PLCL1: variants seen among roughly 807,000 people sequenced by gnomAD.
PLCL1 encodes the protein inactive phospholipase C-like protein 1.
PLCL1 carries 41 observed loss-of-function variants against 84.4 expected under a neutral mutation model. The observed-to-expected ratio is 0.49, with a 90% confidence interval of 0.38 to 0.63. PLCL1 has a LOEUF of 0.63. Among genes scored for constraint, PLCL1 ranks in the 30% least tolerant of loss-of-function variants. The pLI, the probability that PLCL1 is intolerant of heterozygous loss-of-function variation, is 0.00. For synonymous variants in PLCL1, 490 were observed against 488.3 expected, an observed-to-expected ratio of 1.00 and a Z score of -0.05; for missense variants, 1,206 against 1,367.8, an observed-to-expected ratio of 0.88 and a Z score of 1.87.
rs2105953646 is a variant in PLCL1 at position 198,149,096 on chromosome 2, T to C, written c.*2134T>C. 6.6e-6 allele frequency: 1 copy of C among 152,490 alleles called. No homozygotes were observed. Among genetic ancestry groups the C allele is most frequent in the Admixed American group, 6.5e-5 (1 of 15,286 alleles). 9.4% of individuals were successfully genotyped at this position (152,490 alleles called of 1,614,324 possible). On this transcript the variant is annotated 3_prime_UTR_variant, in exon 6 of 6. Coordinates refer to ENST00000428675, the MANE Select transcript of PLCL1 (RefSeq NM_006226.4). ...TGAGATGTGGAGCAGGGAGGAGCTT[T>C]GGATTCTGGGAGTGGAGGTGGCAAG...
At chr2:197,984,911 A>G (rs2105807920) in intron 1 of PLCL1, among the ~76,000 whole-genome samples, 1 of 152,102 alleles carries the variant, frequency 6.6e-6, no homozygotes. Flanking sequence ...TCAGCTAAAA[A>G]TTTTAAAAAT....
intron 1 of PLCL1, among the ~76,000 whole-genome samples, chr2:197,880,999 G>C (rs542527774): frequency 6.7e-4 from 102 of 152,250 alleles, no homozygotes; most frequent in Non-Finnish European, 1.3e-3. Context: ...TGTGAATTTA[G>C]AGCTGTAGGG....
intron 1 of PLCL1, 45 bp from the exon 2 acceptor site, chr2:198,083,713 G>C: frequency 7.4e-7 from 1 of 1,348,272 alleles, no homozygotes; most frequent in Non-Finnish European, 1.0e-6. Flanking sequence ...GAATTTGTCT[G>C]TTTTCTAAAG....
chr2:197,961,336 T>G (rs1373706683), intron 1 of PLCL1, among the ~76,000 whole-genome samples: 1 of 151,916 alleles, frequency 6.6e-6, no homozygotes, highest in African/African-American at 2.4e-5. Context: ...TGCCTCTAGA[T>G]TTTTCATTCT....
At chr2:198,124,241 C>T (rs1000979813) in intron 5 of PLCL1, among the ~76,000 whole-genome samples, 1 of 152,134 alleles carries the variant, frequency 6.6e-6, no homozygotes, top group African/African-American at 2.4e-5. Context: ...TAGAATTTCA[C>T]TAGCTTATCG....
At chr2:198,014,440 A>G (rs758817700) in intron 1 of PLCL1, among the ~76,000 whole-genome samples, 1 of 152,082 alleles carries the variant, frequency 6.6e-6, no homozygotes, top group Non-Finnish European at 1.5e-5. Context: ...CAATGGTAGG[A>G]CCACAATTTA....
Position 197,882,298 on chromosome 2 carries a change from G to A in PLCL1, c.240+76959G>A, listed in dbSNP as rs373447874. Among the ~76,000 whole-genome samples, 12 of 152,144 alleles carry A rather than the reference G, an allele frequency of 7.9e-5. No homozygotes were observed. In the East Asian group the frequency reaches 1.4e-3, roughly 17 times the overall value. On this transcript the variant is annotated intron_variant, in intron 1 of 5. Coordinates refer to ENST00000428675, the MANE Select transcript of PLCL1 (RefSeq NM_006226.4). ...TACATGCCAAAGATAAGCAAAAAAA[G>A]GCATGCAACCCTATGGGTGCATCTT... is the stretch of plus-strand genomic sequence containing the variant.
intron 1 of PLCL1, among the ~76,000 whole-genome samples, chr2:197,893,161 T>C (rs1322315974): frequency 6.6e-6 from 1 of 152,250 alleles, no homozygotes; most frequent in African/African-American, 2.4e-5. Flanking sequence ...AACCAACAGA[T>C]GAATTATAAA....
chr2:197,927,111 C>A (rs961537838), intron 1 of PLCL1, among the ~76,000 whole-genome samples: 1 of 152,188 alleles, frequency 6.6e-6, no homozygotes, highest in African/African-American at 2.4e-5. Context: ...TGAAGTCCCA[C>A]AACATCTTAA....
At chr2:198,090,807 G>C (rs1574304992) in intron 3 of PLCL1, among the ~76,000 whole-genome samples, 1 of 152,156 alleles carries the variant, frequency 6.6e-6, no homozygotes, top group African/African-American at 2.4e-5. Flanking sequence ...CTAAGAAAAA[G>C]AAATCATTCA....
chr2:197,931,417 G>A (rs899396504), intron 1 of PLCL1, among the ~76,000 whole-genome samples: 1 of 152,124 alleles, frequency 6.6e-6, no homozygotes, highest in African/African-American at 2.4e-5. Context: ...AGCTGTTGCT[G>A]TAGGTGGTAA....
At chr2:198,117,504 G>C (rs1156897941) in intron 5 of PLCL1, among the ~76,000 whole-genome samples, 2 of 151,716 alleles carry the variant, frequency 1.3e-5, no homozygotes, top group African/African-American at 4.8e-5. Flanking sequence ...AACATATGCT[G>C]AAACAGTCCT....
chr2:197,923,386 T>C (rs1688759517), intron 1 of PLCL1, among the ~76,000 whole-genome samples: 1 of 143,922 alleles, frequency 6.9e-6, no homozygotes, highest in South Asian at 2.3e-4. Context: ...TCGGAGGGTC[T>C]CCTCACTTCT....
chr2:197,806,990 C>CT (rs1559011281), intron 1 of PLCL1, among the ~76,000 whole-genome samples: 1 of 152,028 alleles, frequency 6.6e-6, no homozygotes, highest in Non-Finnish European at 1.5e-5. Flanking sequence ...TTTGAAGTTT[C>CT]TTTTTGTGAC....
At chr2:197,923,401 C>G (rs542890789) in intron 1 of PLCL1, among the ~76,000 whole-genome samples, 2 of 144,184 alleles carry the variant, frequency 1.4e-5, no homozygotes, top group African/African-American at 5.1e-5. Context: ...ACTTCTCAGA[C>G]GGGGTGGTTG....
At chr2:198,026,841 C>T (rs890275549) in intron 1 of PLCL1, among the ~76,000 whole-genome samples, 1 of 151,998 alleles carries the variant, frequency 6.6e-6, no homozygotes, top group African/African-American at 2.4e-5. Context: ...ATTAGAATGG[C>T]TAATATAGAA....
At chr2:197,893,719 G>T (rs945829093) in intron 1 of PLCL1, among the ~76,000 whole-genome samples, 1 of 149,344 alleles carries the variant, frequency 6.7e-6, no homozygotes, top group African/African-American at 2.4e-5. Flanking sequence ...AAATGCTCTA[G>T]GGTAGCTGGG....
Position 198,109,851 on chromosome 2 carries a change from A to C in PLCL1, c.3105+5915A>C, listed in dbSNP as rs183164743. Among the ~76,000 whole-genome samples the C allele has an allele frequency of 3.9e-5, 6 of 151,912 alleles. No homozygotes were observed. The East Asian group carries it at 1.2e-3, about 30-fold the overall frequency. On this transcript the variant is annotated intron_variant, in intron 5 of 5. Coordinates refer to ENST00000428675, the MANE Select transcript of PLCL1 (RefSeq NM_006226.4). ...TGGCTATTTTAAGAAACTAAATTTTATTACTTTGTGTTTTTAAAAGTTTTA... is the reference window on the plus strand; with the variant it reads ...TGGCTATTTTAAGAAACTAAATTTTCTTACTTTGTGTTTTTAAAAGTTTTA...
intron 1 of PLCL1, among the ~76,000 whole-genome samples, chr2:197,994,223 AC>A (rs1442723920): frequency 2.6e-5 from 4 of 152,176 alleles, no homozygotes; most frequent in Admixed American, 1.3e-4. Context: ...AACTACCTAG[AC>A]TTTTATGCCC....
Sources: allele counts gnomAD v4.1 joint callset (sites outside exome capture counted in the v4.1 genomes callset), GRCh38; gene constraint gnomAD v4.1.1; transcripts MANE v1.5; gene names NCBI Gene and HGNC (gene_info 2026-07-23, HGNC 2026-07-21).